Variants in RGSL1 observed in about 807,000 individuals in gnomAD.
RGSL1 encodes the protein regulator of G protein signaling like 1.
A neutral mutation model predicts 124.7 loss-of-function variants in RGSL1; 97 were observed. The ratio of observed to expected loss-of-function variants is 0.78; its 90% confidence interval spans 0.66 to 0.92. The LOEUF (loss-of-function observed/expected upper bound fraction) is 0.92. Ranked by LOEUF, RGSL1 falls within the 40% of genes least tolerant of loss-of-function variation. RGSL1 has a pLI of 0.00. For missense variants in RGSL1, 1,233 were observed against 1,288.4 expected (o/e 0.96, Z 0.66); for synonymous variants, 424 against 438.1 (o/e 0.97, Z 0.40).
At chr1:182,468,098 C>T (rs968120957) in intron 4 of RGSL1, among the ~76,000 whole-genome samples, 2 of 152,152 alleles carry the variant, frequency 1.3e-5, no homozygotes, top group Non-Finnish European at 2.9e-5. Flanking sequence ...GAATGGCGAT[C>T]ATTAAAAAGT....
At chr1:182,462,228 GA>G (rs1286223257) in intron 4 of RGSL1, among the ~76,000 whole-genome samples, 5 of 150,524 alleles carry the variant, frequency 3.3e-5, no homozygotes, top group African/African-American at 4.9e-5. Flanking sequence ...AGTTCTAAAA[GA>G]AAAAAAAATA....
chr1:182,500,027 A>G (rs1656231408), intron 9 of RGSL1, among the ~76,000 whole-genome samples: 1 of 152,198 alleles, frequency 6.6e-6, no homozygotes, highest in South Asian at 2.1e-4. Flanking sequence ...GTGAAGTCCA[A>G]TTTGTGTTTT....
At chr1:182,558,737 C>T (rs1420121200) in intron 21 of RGSL1, among the ~76,000 whole-genome samples, 3 of 152,114 alleles carry the variant, frequency 2.0e-5, no homozygotes, top group Non-Finnish European at 2.9e-5. Flanking sequence ...ATTTCTCCTG[C>T]CTCTTCTTCT....
chr1:182,501,276 C>CTTTCT (rs1656339524), intron 9 of RGSL1, among the ~76,000 whole-genome samples: 3 of 112,562 alleles, frequency 2.7e-5, no homozygotes, highest in South Asian at 2.9e-4. Flanking sequence ...CTCTTTCTTT[C>CTTTCT]TTTTTTTTCT....
At chr1:182,538,850 C>A (rs1659713260) in intron 14 of RGSL1, among the ~76,000 whole-genome samples, 1 of 151,858 alleles carries the variant, frequency 6.6e-6, no homozygotes, top group Non-Finnish European at 1.5e-5. Context: ...GCTTTTGGAA[C>A]AAATGAAAGA....
intron 6 of RGSL1, among the ~76,000 whole-genome samples, chr1:182,480,085 A>G (rs1346878335): frequency 2.0e-5 from 3 of 152,198 alleles, no homozygotes; most frequent in Non-Finnish European, 2.9e-5. Flanking sequence ...GATACATCAT[A>G]CGGACAGAAA....
At chr1:182,544,497 G>T (rs771115556) in intron 15 of RGSL1, among the ~76,000 whole-genome samples, 3 of 152,020 alleles carry the variant, frequency 2.0e-5, no homozygotes, top group Non-Finnish European at 4.4e-5. Context: ...GTAAATGTCA[G>T]TTAGGCCTAT....
chr1:182,501,675 G>A (rs1171958255), intron 9 of RGSL1, among the ~76,000 whole-genome samples: 1 of 151,996 alleles, frequency 6.6e-6, no homozygotes, highest in Non-Finnish European at 1.5e-5. Flanking sequence ...GTTGTATTGA[G>A]GATTTTTGCA....
intron 14 of RGSL1, among the ~76,000 whole-genome samples, chr1:182,534,826 CAAA>C (rs545839667): frequency 7.6e-6 from 1 of 132,448 alleles, no homozygotes; most frequent in Non-Finnish European, 1.6e-5. Context: ...GACTCCATCT[CAAA>C]AAAAAAAAAA....
At chr1:182,489,237 C>T (rs1259159395) in intron 8 of RGSL1, 35 bp downstream of exon 8, 1 of 1,464,872 alleles carries the variant, frequency 6.8e-7, no homozygotes. Context: ...TTGACCTTTA[C>T]ATATGGGCAA....
chr1:182,452,565 G>A (rs1371991785), intron 1 of RGSL1, among the ~76,000 whole-genome samples: 1 of 151,402 alleles, frequency 6.6e-6, no homozygotes, highest in Non-Finnish European at 1.5e-5. Flanking sequence ...CGATTCTCCT[G>A]CCTCAGCCTC....
rs116967369 is a variant in RGSL1, at chr1:182,524,650, A to T, written c.1931+2541A>T. Among the ~76,000 whole-genome samples, 1,429 of 152,350 alleles carry T rather than the reference A, an allele frequency of 9.4e-3. 69 individuals carry two copies. The highest frequency in any genetic ancestry group is 0.074 in the Admixed American group (1,139 of 15,306). On this transcript the variant is annotated intron_variant, in intron 10 of 21. Transcript: ENST00000294854. ...GGCATAGTAACTTCTAACTACTCAC[A>T]TCACCAAGCTTGACAGCCATGAGTG...
chr1:182,559,208 C>T (rs1348632605), intron 21 of RGSL1, among the ~76,000 whole-genome samples: 1 of 152,200 alleles, frequency 6.6e-6, no homozygotes, highest in Non-Finnish European at 1.5e-5. Context: ...TAGCCCCTAG[C>T]TTCTCCTCTA....
At chr1:182,495,764 T>C (rs1012360738) in intron 9 of RGSL1, among the ~76,000 whole-genome samples, 2 of 152,156 alleles carry the variant, frequency 1.3e-5, no homozygotes, top group African/African-American at 4.8e-5. Context: ...TGGTCATCAA[T>C]GTGACCAGCC....
At chr1:182,455,933 G>T (rs1652282130) in intron 2 of RGSL1, among the ~76,000 whole-genome samples, 1 of 152,212 alleles carries the variant, frequency 6.6e-6, no homozygotes, top group Non-Finnish European at 1.5e-5. Context: ...CTCTGCAGAG[G>T]TCTGGCCAAT....
At chr1:182,514,549 C>G (rs564319931) in intron 9 of RGSL1, among the ~76,000 whole-genome samples, 2 of 152,134 alleles carry the variant, frequency 1.3e-5, no homozygotes, top group Non-Finnish European at 2.9e-5. Flanking sequence ...TGGAAAACCT[C>G]TATATATCTG....
chr1:182,493,479 GCT>G (rs1458514777), intron 9 of RGSL1, among the ~76,000 whole-genome samples: 5 of 152,156 alleles, frequency 3.3e-5, no homozygotes, highest in Non-Finnish European at 7.3e-5. Context: ...GTTAAGGAGT[GCT>G]CTTGGGAATA....
At position 182,454,014 on chromosome 1, in the gene RGSL1, T is replaced by C; in HGVS notation, c.70T>C (p.Phe24Leu). The C allele has an allele frequency of 6.5e-7, 1 of 1,534,058 alleles. No homozygotes were observed. The highest frequency in any genetic ancestry group is 8.8e-7 in the Non-Finnish European group (1 of 1,130,998). Residue 24 changes from phenylalanine to leucine, a missense_variant, in exon 2 of 22, where the codon TTT becomes CTT. Physicochemically the swap from Phe to Leu is conservative, Grantham distance 22. Transcript: ENST00000294854. Reference protein sequence around the residue: ...ILLEDEVFADFFNTFLSLPVF... With the variant: ...ILLEDEVFADLFNTFLSLPVF... ...GCTAGAGGATGAAGTCTTTGCCGATTTTTTCAACACATTTCTTTCCCTCCC... is the reference window on the plus strand; with the variant it reads ...GCTAGAGGATGAAGTCTTTGCCGATCTTTTCAACACATTTCTTTCCCTCCC...
intron 6 of RGSL1, among the ~76,000 whole-genome samples, chr1:182,481,163 T>C (rs527621612): frequency 2.0e-5 from 3 of 152,092 alleles, no homozygotes; most frequent in Admixed American, 1.3e-4. Context: ...AAAACTAAGT[T>C]TGTTTTCTTA....
Sources: allele counts gnomAD v4.1 joint callset (sites outside exome capture counted in the v4.1 genomes callset), GRCh38; gene constraint gnomAD v4.1.1; transcripts MANE v1.5; gene names NCBI Gene and HGNC (gene_info 2026-07-23, HGNC 2026-07-21).